Variants in STK3 observed in about 807,000 individuals in gnomAD.
STK3 encodes serine/threonine-protein kinase 3.
A neutral mutation model predicts 58.0 loss-of-function variants in STK3; 41 were observed. The observed-to-expected ratio is 0.71, with a 90% CI of 0.55 to 0.92. The LOEUF is 0.92. STK3 is among the 40% of genes least tolerant of loss of function. The pLI is 0.00. For missense variants in STK3, 479 were observed against 602.7 expected (o/e 0.79, Z 2.15); for synonymous variants, 170 against 191.0 (o/e 0.89, Z 0.91).
chr8:98,546,500 TG>T (rs1395651666), intron 9 of STK3, among the ~76,000 whole-genome samples: 2 of 152,182 alleles, frequency 1.3e-5, no homozygotes, highest in Non-Finnish European at 2.9e-5. Context: ...ATGATCTAAT[TG>T]ATCTGTTAAG....
chr8:98,822,490 GGA>G (rs1450425285), intron 1 of STK3, among the ~76,000 whole-genome samples: 1 of 151,674 alleles, frequency 6.6e-6, no homozygotes, highest in African/African-American at 2.4e-5. Flanking sequence ...ATTATCTTCT[GGA>G]TATCTAAAAT....
chr8:98,626,686 A>G (rs1313936632), intron 6 of STK3, among the ~76,000 whole-genome samples: 1 of 152,246 alleles, frequency 6.6e-6, no homozygotes. Context: ...GTATTCTAAT[A>G]AAGTAGAGAC....
intron 1 of STK3, among the ~76,000 whole-genome samples, chr8:98,923,850 T>TGCGCGCGC (rs1210763605): frequency 8.2e-6 from 1 of 121,596 alleles, no homozygotes; most frequent in Non-Finnish European, 1.7e-5. Context: ...TGTGTGTGTG[T>TGCGCGCGC]GTGTGCGCGC....
chr8:98,866,974 C>T (rs1383553876), intron 3 of STK3, among the ~76,000 whole-genome samples: 1 of 152,084 alleles, frequency 6.6e-6, no homozygotes, highest in African/African-American at 2.4e-5. Context: ...GAACTGTTAA[C>T]AGGTAACTCT....
At chr8:98,721,820 A>C (rs1827450520) in intron 4 of STK3, among the ~76,000 whole-genome samples, 1 of 152,184 alleles carries the variant, frequency 6.6e-6, no homozygotes, top group African/African-American at 2.4e-5. Context: ...CCAGAATGTA[A>C]ACCAGAGTGT....
At chr8:98,364,201 G>A in the STK3 span, among the ~76,000 whole-genome samples, 3 of 152,246 alleles carry the variant, frequency 2.0e-5, no homozygotes, top group African/African-American at 7.2e-5. Flanking sequence ...GGTCGTCTTG[G>A]CGTTAGGATC....
exon 3 of STK3, chr8:98,371,462 G>A (rs552740963): frequency 1.1e-3 from 164 of 152,288 alleles, no homozygotes; most frequent in African/African-American, 3.6e-3. Context: ...GCTGGAGCAG[G>A]GCTTTCATTC....
intron 3 of STK3, among the ~76,000 whole-genome samples, chr8:98,863,924 C>T (rs1481467881): frequency 1.3e-5 from 2 of 151,966 alleles, no homozygotes; most frequent in Admixed American, 6.6e-5. Flanking sequence ...AGGACGGGCG[C>T]GGTGGCTCAC....
chr8:98,620,345 T>C (rs1407406061), intron 6 of STK3, among the ~76,000 whole-genome samples: 10 of 133,846 alleles, frequency 7.5e-5, no homozygotes, highest in South Asian at 2.6e-4. Flanking sequence ...AGGGGTAGCA[T>C]TGGGAGATAT....
intron 8 of STK3, among the ~76,000 whole-genome samples, chr8:98,548,861 C>G (rs1810935858): frequency 6.6e-6 from 1 of 151,912 alleles, no homozygotes; most frequent in South Asian, 2.1e-4. Context: ...TTCTAGATAC[C>G]TCATGTAAGT....
At chr8:98,711,448 T>C (rs575741484) in intron 4 of STK3, among the ~76,000 whole-genome samples, 4 of 152,018 alleles carry the variant, frequency 2.6e-5, no homozygotes, top group East Asian at 1.9e-4. Context: ...AAGGACCTGA[T>C]GGAGCTGAAA....
At chr8:98,594,001 CT>C (rs1187364955) in intron 7 of STK3, among the ~76,000 whole-genome samples, 4 of 152,076 alleles carry the variant, frequency 2.6e-5, no homozygotes, top group Non-Finnish European at 4.4e-5. Context: ...ACCCTTTGGA[CT>C]ACTTTAAAAT....
At chr8:98,565,901 C>T (rs1030346678) in intron 8 of STK3, among the ~76,000 whole-genome samples, 2 of 152,104 alleles carry the variant, frequency 1.3e-5, no homozygotes, top group African/African-American at 2.4e-5. Flanking sequence ...ATACAGTTGA[C>T]CCATCTCAAC....
At chr8:98,358,783 G>A in the STK3 span, among the ~76,000 whole-genome samples, 7 of 152,246 alleles carry the variant, frequency 4.6e-5, no homozygotes, top group South Asian at 1.5e-3. Flanking sequence ...AAGAAGCTTG[G>A]CACCAAAAAT....
At chr8:98,887,482 A>G (rs1421869137) in intron 1 of STK3, among the ~76,000 whole-genome samples, 1 of 152,254 alleles carries the variant, frequency 6.6e-6, no homozygotes. Context: ...CTGTGAATCT[A>G]TAATGGCTTC....
At chr8:98,884,831 C>A (rs1247792051) in intron 1 of STK3, among the ~76,000 whole-genome samples, 1 of 152,120 alleles carries the variant, frequency 6.6e-6, no homozygotes, top group Non-Finnish European at 1.5e-5. Context: ...TTCCCAGTAC[C>A]TAAAATAGTG....
chr8:98,715,510 A>C (rs1274014141), intron 4 of STK3, among the ~76,000 whole-genome samples: 2 of 152,252 alleles, frequency 1.3e-5, no homozygotes, highest in Non-Finnish European at 2.9e-5. Flanking sequence ...ACACTTATGC[A>C]GCCAAAAGAC....
chr8:98,697,329 T>C (rs905774947), intron 6 of STK3, among the ~76,000 whole-genome samples: 1 of 152,242 alleles, frequency 6.6e-6, no homozygotes, highest in Non-Finnish European at 1.5e-5. Flanking sequence ...CATTAATTTT[T>C]TGAAGGGTTT....
intron 1 of STK3, among the ~76,000 whole-genome samples, chr8:98,808,211 A>T (rs1359503579): frequency 6.6e-6 from 1 of 152,264 alleles, no homozygotes; most frequent in African/African-American, 2.4e-5. Flanking sequence ...AAGAAGTAGC[A>T]GAAAGCATCT....
Sources: gnomAD v4.1 joint callset for allele counts (sites outside exome capture counted in the v4.1 genomes callset) on GRCh38, gnomAD v4.1.1 for gene constraint, MANE v1.5 for transcripts, NCBI Gene and HGNC (gene_info 2026-07-23, HGNC 2026-07-21) for gene names.